PDE6C: variants seen among roughly 807,000 people sequenced by gnomAD.
The protein encoded by PDE6C is phosphodiesterase 6C.
In PDE6C, 75 loss-of-function variants were observed where a neutral mutation model predicts 113.1. The observed-to-expected ratio is 0.66, with a 90% CI of 0.55 to 0.80. PDE6C has a LOEUF of 0.80. PDE6C is among the 30% of genes least tolerant of loss of function. The pLI is 0.00. For synonymous variants in PDE6C, 375 were observed against 363.7 expected (o/e 1.03, Z -0.35); for missense variants, 912 against 1,038.6 (o/e 0.88, Z 1.67).
rs760729628 is a variant in PDE6C, at chr10:93,613,043, C to A, written c.318C>A (p.Gly106=). The A allele has an allele frequency of 2.1e-5, 34 of 1,614,196 alleles. No individual in the cohort carries two copies. Among genetic ancestry groups the A allele is most frequent in the Non-Finnish European group, 2.6e-5 (31 of 1,180,036 alleles). ...TGTTCCTGTGCCGGTCCCGGAACGG[C>A]ATACCTGAGGTGGCCTCTAGGTTGC... ...CSMFLCRSRN[G]IPEVASRLLD... is the part of the protein sequence containing the mutation. Residue 106 remains glycine (G), a synonymous_variant, in exon 1 of 22, where the codon GGC becomes GGA. Transcript: ENST00000371447.
At chr10:93,630,652 G>A (rs998008165) in intron 8 of PDE6C, among the ~76,000 whole-genome samples, 2 of 152,014 alleles carry the variant, frequency 1.3e-5, no homozygotes, top group South Asian at 2.1e-4. Flanking sequence ...GGTACCGTTG[G>A]GGTCTGTTTT....
rs1564799669 is a variant in PDE6C, at chr10:93,634,740, G to A, written c.1120-18G>A. On this transcript the variant is annotated intron_variant, in intron 8 of 21. Coordinates refer to ENST00000371447, the MANE Select transcript of PDE6C (RefSeq NM_006204.4). ...TAAAAAGGCAAAAAAATAACTTGAG[G>A]TCCCTTCTCGTTTGTAGAAAGGACC... The A allele has an allele frequency of 2.5e-6, 4 of 1,613,716 alleles. No homozygotes were observed. The highest frequency in any genetic ancestry group is 1.7e-5 in the Admixed American group (1 of 59,988).
intron 15 of PDE6C, among the ~76,000 whole-genome samples, chr10:93,654,818 T>TCTTTC (rs2058628871): frequency 7.9e-6 from 1 of 126,344 alleles, no homozygotes; most frequent in African/African-American, 2.9e-5. Flanking sequence ...TTCTTTTTTT[T>TCTTTC]TTTTTTTGAA....
chr10:93,652,061 G>A (rs1009320934), intron 15 of PDE6C, among the ~76,000 whole-genome samples: 3 of 152,016 alleles, frequency 2.0e-5, no homozygotes, highest in Admixed American at 1.3e-4. Context: ...GTCCCACTTT[G>A]TTCCAAAGAG....
intron 3 of PDE6C, 115 bp downstream of exon 3, chr10:93,621,095 G>C: frequency 1.2e-6 from 1 of 837,152 alleles, no homozygotes; most frequent in Non-Finnish European, 2.1e-6. Context: ...ACGTGGAACA[G>C]ATCCCCAAAC....
At chr10:93,650,783 A>G (rs2058606238) in intron 15 of PDE6C, among the ~76,000 whole-genome samples, 1 of 152,186 alleles carries the variant, frequency 6.6e-6, no homozygotes, top group South Asian at 2.1e-4. Context: ...GATGTTTGAC[A>G]TTTTTAAGCT....
chr10:93,654,774 C>CTTTCT (rs1554891554), intron 15 of PDE6C, among the ~76,000 whole-genome samples: 3 of 55,898 alleles, frequency 5.4e-5, no homozygotes, highest in South Asian at 8.2e-4. Context: ...TTCTTTCTTT[C>CTTTCT]TTTCTTTCTT....
chr10:93,622,361 G>C (rs1378074792), intron 4 of PDE6C, among the ~76,000 whole-genome samples: 1 of 151,756 alleles, frequency 6.6e-6, no homozygotes, highest in East Asian at 1.9e-4. Flanking sequence ...AAAGTACGGA[G>C]TTTCCTCTTC....
At chr10:93,635,750 TGAGA>T in intron 10 of PDE6C, 110 bp downstream of exon 10, 1 of 1,149,108 alleles carries the variant, frequency 8.7e-7, no homozygotes, top group Non-Finnish European at 1.3e-6. Context: ...ACTCCTGGGC[TGAGA>T]GAGAGAGACA....
intron 14 of PDE6C, among the ~76,000 whole-genome samples, chr10:93,641,455 C>A (rs889997374): frequency 5.3e-5 from 8 of 151,986 alleles, no homozygotes; most frequent in Admixed American, 2.0e-4. Flanking sequence ...CATGGTGAAA[C>A]CCTGTCTCTA....
chr10:93,663,656 T>G (rs1379046974), intron 21 of PDE6C, among the ~76,000 whole-genome samples: 2 of 148,878 alleles, frequency 1.3e-5, no homozygotes, highest in African/African-American at 4.9e-5. Flanking sequence ...ACATGTAGAG[T>G]AAGGCTGAAA....
chr10:93,642,456 T>C (rs1045848050), intron 14 of PDE6C, among the ~76,000 whole-genome samples: 5 of 152,234 alleles, frequency 3.3e-5, no homozygotes, highest in Non-Finnish European at 5.9e-5. Flanking sequence ...GTATTGCTCA[T>C]GGCCAGCCCA....
chr10:93,636,049 G>C (rs917529174), intron 10 of PDE6C, among the ~76,000 whole-genome samples: 1 of 152,138 alleles, frequency 6.6e-6, no homozygotes, highest in Admixed American at 6.6e-5. Context: ...ACAGTGGCTG[G>C]ACTTGGCTCC....
At chr10:93,636,365 GCTTTGTGTGTGTGT>G (rs1429960232) in intron 10 of PDE6C, among the ~76,000 whole-genome samples, 9 of 23,394 alleles carry the variant, frequency 3.8e-4, no homozygotes, top group Admixed American at 5.1e-4. Context: ...TATTTCCCTG[GCTTTGTGTGTGTGT>G]GTGTGTGTGT....
chr10:93,640,017 G>A (rs2058551296), intron 11 of PDE6C, 53 bp from the exon 12 acceptor site: 1 of 1,604,890 alleles, frequency 6.2e-7, no homozygotes, highest in Admixed American at 1.7e-5. Context: ...TATGGGAGTG[G>A]AAAGGGAAAA....
chr10:93,632,336 C>T (rs1247149540), intron 8 of PDE6C, among the ~76,000 whole-genome samples: 2 of 152,182 alleles, frequency 1.3e-5, no homozygotes, highest in African/African-American at 4.8e-5. Context: ...AGGATATAGA[C>T]ATCTTTGGGG....
chr10:93,645,167 A>T (rs1159904312), intron 14 of PDE6C, among the ~76,000 whole-genome samples: 1 of 152,028 alleles, frequency 6.6e-6, no homozygotes. Context: ...ATGCCAACAC[A>T]GAGTAGTTGT....
chr10:93,630,714 C>G (rs1032690914), intron 8 of PDE6C, among the ~76,000 whole-genome samples: 3 of 152,178 alleles, frequency 2.0e-5, no homozygotes, highest in African/African-American at 7.2e-5. Context: ...GAAAAGCCAG[C>G]CTTCCCCAGG....
chr10:93,617,147 C>T (rs920365714), intron 1 of PDE6C, among the ~76,000 whole-genome samples: 5 of 152,114 alleles, frequency 3.3e-5, no homozygotes, highest in African/African-American at 1.2e-4. Flanking sequence ...GGGATCAGGC[C>T]TCCTGTTGCT....
Sources: allele counts gnomAD v4.1 joint callset (sites outside exome capture counted in the v4.1 genomes callset), GRCh38; gene constraint gnomAD v4.1.1; transcripts MANE v1.5; gene names NCBI Gene and HGNC (gene_info 2026-07-23, HGNC 2026-07-21).